Variants in SIPA1L2 observed in about 807,000 individuals in gnomAD.
The protein encoded by SIPA1L2 is signal-induced proliferation-associated 1-like protein 2.
Under a neutral mutation model 163.9 loss-of-function variants are expected in SIPA1L2, and 56 were observed. That is an observed-to-expected ratio of 0.34 (90% CI 0.28 to 0.43). The LOEUF is 0.43. Among genes scored for constraint, SIPA1L2 ranks in the 20% least tolerant of loss-of-function variants. SIPA1L2 has a pLI of 1.00. For synonymous variants in SIPA1L2, 877 were observed against 865.7 expected (o/e 1.01, Z -0.23); for missense variants, 1,974 against 2,193.5 (o/e 0.90, Z 2.00).
chr1:232,577,987 T>C (rs898983181), intron 1 of SIPA1L2, among the ~76,000 whole-genome samples: 4 of 152,262 alleles, frequency 2.6e-5, no homozygotes, highest in East Asian at 3.9e-4. Flanking sequence ...GAAGAGCCGA[T>C]TGATGTGGTA....
chr1:232,541,854 TAAAAAAAA>T (rs10585668), intron 2 of SIPA1L2, among the ~76,000 whole-genome samples: 6 of 135,686 alleles, frequency 4.4e-5, no homozygotes, highest in South Asian at 2.4e-4. Flanking sequence ...CCTACAGATT[TAAAAAAAA>T]AAAAAAAAAA....
At chr1:232,619,186 A>C (rs10737204) in intron 1 of SIPA1L2, among the ~76,000 whole-genome samples, 1 of 151,986 alleles carries the variant, frequency 6.6e-6, no homozygotes, top group African/African-American at 2.4e-5. Context: ...GTTTCCCTGC[A>C]CACAAGAGGC....
intron 10 of SIPA1L2, among the ~76,000 whole-genome samples, chr1:232,450,538 A>C (rs748379431): frequency 1.3e-5 from 2 of 152,246 alleles, no homozygotes; most frequent in Non-Finnish European, 2.9e-5. Context: ...CACAGGTTCC[A>C]GCTGCCTGAG....
intron 1 of SIPA1L2, among the ~76,000 whole-genome samples, chr1:232,627,881 C>G (rs1263734332): frequency 6.6e-6 from 1 of 152,172 alleles, no homozygotes; most frequent in African/African-American, 2.4e-5. Flanking sequence ...AAAGCTGTTT[C>G]TGATTTCATT....
At chr1:232,492,753 T>G (rs571119020) in intron 4 of SIPA1L2, among the ~76,000 whole-genome samples, 2 of 152,170 alleles carry the variant, frequency 1.3e-5, no homozygotes, top group East Asian at 3.9e-4. Context: ...CCCATCCCTG[T>G]ACCCCCACTG....
At chr1:232,460,502 A>C (rs1664176210) in intron 10 of SIPA1L2, among the ~76,000 whole-genome samples, 1 of 152,178 alleles carries the variant, frequency 6.6e-6, no homozygotes, top group African/African-American at 2.4e-5. Flanking sequence ...TATGGGAAGA[A>C]ATTCTAACTG....
intron 2 of SIPA1L2, among the ~76,000 whole-genome samples, chr1:232,541,191 G>T (rs1207830929): frequency 1.3e-5 from 2 of 151,914 alleles, no homozygotes; most frequent in African/African-American, 4.8e-5. Flanking sequence ...AACCACTATG[G>T]CACACGTTTA....
chr1:232,548,536 T>C (rs1406317593), intron 2 of SIPA1L2, among the ~76,000 whole-genome samples: 2 of 152,266 alleles, frequency 1.3e-5, no homozygotes, highest in African/African-American at 4.8e-5. Context: ...CAATATACTT[T>C]ATTCATTTAC....
intron 3 of SIPA1L2, among the ~76,000 whole-genome samples, chr1:232,511,502 T>C (rs1666978968): frequency 6.6e-6 from 1 of 152,188 alleles, no homozygotes; most frequent in Non-Finnish European, 1.5e-5. Context: ...TCTGGATTGA[T>C]GCAAAAACAG....
chr1:232,586,056 T>C (rs1660638745), intron 1 of SIPA1L2, among the ~76,000 whole-genome samples: 1 of 152,230 alleles, frequency 6.6e-6, no homozygotes, highest in Non-Finnish European at 1.5e-5. Flanking sequence ...AATATTTACT[T>C]AGCTTGGCTT....
At chr1:232,458,327 G>GA (rs1242849348) in intron 10 of SIPA1L2, among the ~76,000 whole-genome samples, 1 of 152,100 alleles carries the variant, frequency 6.6e-6, no homozygotes, top group Non-Finnish European at 1.5e-5. Context: ...TTCCTTAGAG[G>GA]AAAAACATGT....
chr1:232,557,365 C>A (rs1322587278), intron 2 of SIPA1L2, among the ~76,000 whole-genome samples: 1 of 152,136 alleles, frequency 6.6e-6, no homozygotes, highest in South Asian at 2.1e-4. Flanking sequence ...ATAGTGGAAG[C>A]CACATACAGC....
chr1:232,582,039 C>T (rs914040082), intron 1 of SIPA1L2, among the ~76,000 whole-genome samples: 4 of 152,216 alleles, frequency 2.6e-5, no homozygotes, highest in African/African-American at 9.6e-5. Flanking sequence ...ACTGTGAATT[C>T]TTAATGGGCA....
chr1:232,512,300 A>T (rs913771704), intron 3 of SIPA1L2, among the ~76,000 whole-genome samples: 1 of 152,232 alleles, frequency 6.6e-6, no homozygotes, highest in Non-Finnish European at 1.5e-5. Context: ...GCTATTGTGG[A>T]AGACAGTGTG....
At chr1:232,403,611 A>G in intron 20 of SIPA1L2, 40 bp from the exon 21 acceptor site, 1 of 1,584,838 alleles carries the variant, frequency 6.3e-7, no homozygotes, top group Non-Finnish European at 8.6e-7. Context: ...AAGGGTTAGT[A>G]ATCAATGCAA....
intron 2 of SIPA1L2, among the ~76,000 whole-genome samples, chr1:232,523,702 C>G (rs1259644729): frequency 6.6e-6 from 1 of 152,212 alleles, no homozygotes; most frequent in East Asian, 1.9e-4. Context: ...ACATTCTGTT[C>G]TCACTAATAT....
intron 2 of SIPA1L2, among the ~76,000 whole-genome samples, chr1:232,560,586 C>T (rs140233201): frequency 0.016 from 2,377 of 152,278 alleles, 31 homozygotes; most frequent in Middle Eastern, 0.062. Context: ...CCTTGCCCAG[C>T]AGGGAGGCCC....
intron 2 of SIPA1L2, among the ~76,000 whole-genome samples, chr1:232,552,731 A>G (rs927748192): frequency 3.9e-5 from 6 of 152,242 alleles, no homozygotes; most frequent in East Asian, 3.8e-4. Flanking sequence ...CAAATATAGT[A>G]TAAGAGAAAG....
intron 1 of SIPA1L2, among the ~76,000 whole-genome samples, chr1:232,578,008 T>C: frequency 6.6e-6 from 1 of 152,160 alleles, no homozygotes; most frequent in East Asian, 1.9e-4. Context: ...AACTTCATTG[T>C]TGTCTTATTT....
Sources: allele counts gnomAD v4.1 joint callset (sites outside exome capture counted in the v4.1 genomes callset), GRCh38; gene constraint gnomAD v4.1.1; transcripts MANE v1.5; gene names NCBI Gene and HGNC (gene_info 2026-07-23, HGNC 2026-07-21).